Variants in KIAA1958 observed in about 807,000 individuals in gnomAD.
The protein encoded by KIAA1958 is KIAA1958, also known as uncharacterized protein KIAA1958.
In KIAA1958, 14 loss-of-function variants were observed where a neutral mutation model predicts 47.2. The observed-to-expected ratio is 0.30, with a 90% confidence interval of 0.20 to 0.46. KIAA1958 has a LOEUF of 0.46. Ranked by LOEUF, KIAA1958 falls within the 20% of genes least tolerant of loss-of-function variation. KIAA1958 has a pLI of 1.00. For missense variants in KIAA1958, 803 were observed against 909.2 expected (o/e 0.88, Z 1.50); for synonymous variants, 354 against 353.3 (o/e 1.00, Z -0.02).
chr9:112,520,404 T>C (rs941740398), intron 1 of KIAA1958, among the ~76,000 whole-genome samples: 5 of 152,244 alleles, frequency 3.3e-5, no homozygotes, highest in Non-Finnish European at 5.9e-5. Flanking sequence ...TGCTTGATGC[T>C]TTTACCATCA....
rs1453292855 is a variant in KIAA1958 at position 112,668,376 on chromosome 9, C to T, written c.*8307C>T. Reference sequence around the variant, plus strand: ...TTCAATTTCAACAGCAGAAAGATGGCCTGGGGCAGTGAGATGCTTTCCTTA... The same window carrying T: ...TTCAATTTCAACAGCAGAAAGATGGTCTGGGGCAGTGAGATGCTTTCCTTA... On this transcript the variant is annotated 3_prime_UTR_variant, in exon 4 of 4. Coordinates refer to ENST00000337530, the MANE Select transcript of KIAA1958 (RefSeq NM_133465.4). 1 of 152,200 alleles carries T rather than the reference C, an allele frequency of 6.6e-6. No homozygotes were observed. Among genetic ancestry groups the T allele is most frequent in the African/African-American group, 2.4e-5 (1 of 41,460 alleles). The allele number at this position is 152,200 out of a possible 1,614,324, so 9.4% of individuals were successfully genotyped here. A position where few individuals can be genotyped will look rare whatever the true frequency, so the allele number is the denominator to read the frequency against.
intron 2 of KIAA1958, among the ~76,000 whole-genome samples, chr9:112,624,235 T>C (rs532253638): frequency 2.0e-5 from 3 of 152,366 alleles, no homozygotes; most frequent in South Asian, 2.1e-4. Flanking sequence ...AATTCTATTA[T>C]ACAAGATATG....
At chr9:112,523,110 G>A (rs1304334870) in intron 1 of KIAA1958, among the ~76,000 whole-genome samples, 1 of 152,116 alleles carries the variant, frequency 6.6e-6, no homozygotes, top group Non-Finnish European at 1.5e-5. Context: ...CTCAGAAATG[G>A]ATTTCTTGTT....
intron 1 of KIAA1958, among the ~76,000 whole-genome samples, chr9:112,551,427 T>C (rs908237034): frequency 1.3e-5 from 2 of 152,244 alleles, no homozygotes; most frequent in Non-Finnish European, 2.9e-5. Context: ...GTTTCATCCA[T>C]GTTGTTAGCC....
intron 1 of KIAA1958, among the ~76,000 whole-genome samples, chr9:112,496,549 C>A (rs929359667): frequency 2.0e-5 from 3 of 152,298 alleles, no homozygotes; most frequent in Admixed American, 2.0e-4. Context: ...CTTATTGCTG[C>A]CTTTTTCCGA....
chr9:112,504,076 C>G (rs1489743324), intron 1 of KIAA1958, among the ~76,000 whole-genome samples: 1 of 152,012 alleles, frequency 6.6e-6, no homozygotes, highest in Non-Finnish European at 1.5e-5. Flanking sequence ...TGATTGTAAC[C>G]TGGCTTTATT....
At chr9:112,634,934 T>C (rs1028828918) in intron 2 of KIAA1958, among the ~76,000 whole-genome samples, 2 of 152,220 alleles carry the variant, frequency 1.3e-5, no homozygotes, top group African/African-American at 4.8e-5. Flanking sequence ...ATCAGTCACA[T>C]TTAAGTCATG....
chr9:112,492,078 A>G (rs1367009992), intron 1 of KIAA1958, among the ~76,000 whole-genome samples: 1 of 152,214 alleles, frequency 6.6e-6, no homozygotes, highest in Non-Finnish European at 1.5e-5. Context: ...AATATGTGTG[A>G]ATTCTTAACC....
chr9:112,557,213 G>A, intron 1 of KIAA1958, among the ~76,000 whole-genome samples: 1 of 152,092 alleles, frequency 6.6e-6, no homozygotes, highest in East Asian at 1.9e-4. Context: ...TCCCTGGTTG[G>A]CCTGCTAAAG....
At chr9:112,526,470 C>A (rs1834654308) in intron 1 of KIAA1958, among the ~76,000 whole-genome samples, 1 of 151,522 alleles carries the variant, frequency 6.6e-6, no homozygotes, top group East Asian at 2.0e-4. Flanking sequence ...GGTCTCAAAC[C>A]CCTGGCCTCA....
Position 112,665,877 on chromosome 9 carries a change from G to T in KIAA1958, c.*5808G>T, listed in dbSNP as rs1228872260. 6.6e-6 allele frequency: 1 copy of T among 152,112 alleles called. No individual in the cohort carries two copies. The highest frequency in any genetic ancestry group is 1.5e-5 in the Non-Finnish European group (1 of 68,028). The allele number at this position is 152,112 out of a possible 1,614,324, so 9.4% of individuals were successfully genotyped here. ...GACTCACTGCTTAAAAAGTAAAGGA[G>T]TTCCTAACTTACGCAACAATTACAT... On this transcript the variant is annotated 3_prime_UTR_variant, in exon 4 of 4. Transcript: ENST00000337530.
At chr9:112,625,068 G>A (rs1048550562) in intron 2 of KIAA1958, among the ~76,000 whole-genome samples, 1 of 152,174 alleles carries the variant, frequency 6.6e-6, no homozygotes, top group African/African-American at 2.4e-5. Context: ...CTGAGCTGCT[G>A]TTCCCTCTGG....
At chr9:112,603,838 C>G (rs912538457) in intron 2 of KIAA1958, among the ~76,000 whole-genome samples, 1 of 152,032 alleles carries the variant, frequency 6.6e-6, no homozygotes, top group Non-Finnish European at 1.5e-5. Context: ...TAAATCTGCT[C>G]GCCAGATTTC....
chr9:112,528,884 C>T (rs1186811377), intron 1 of KIAA1958, among the ~76,000 whole-genome samples: 1 of 152,122 alleles, frequency 6.6e-6, no homozygotes, highest in Non-Finnish European at 1.5e-5. Context: ...AAGATATAAT[C>T]AGTGTTTGTA....
intron 2 of KIAA1958, among the ~76,000 whole-genome samples, chr9:112,596,092 T>G (rs1836025038): frequency 6.6e-6 from 1 of 152,072 alleles, no homozygotes; most frequent in South Asian, 2.1e-4. Flanking sequence ...GCCGAAAACA[T>G]TTTTACATAT....
intron 1 of KIAA1958, among the ~76,000 whole-genome samples, chr9:112,567,773 A>G (rs1255368444): frequency 6.6e-6 from 1 of 152,004 alleles, no homozygotes; most frequent in Non-Finnish European, 1.5e-5. Flanking sequence ...CCTGGCTAAC[A>G]TGGTGAAACC....
At chr9:112,510,893 TG>T (rs1425326264) in intron 1 of KIAA1958, among the ~76,000 whole-genome samples, 1 of 152,016 alleles carries the variant, frequency 6.6e-6, no homozygotes, top group Non-Finnish European at 1.5e-5. Flanking sequence ...TGTAACTATA[TG>T]GGGAGAACAG....
At chr9:112,582,502 C>G (rs925166890) in intron 2 of KIAA1958, 2 of 153,864 alleles carry the variant, frequency 1.3e-5, no homozygotes, top group Admixed American at 6.5e-5. Flanking sequence ...CTCGATGATT[C>G]AGCAGCTCAG....
intron 2 of KIAA1958, among the ~76,000 whole-genome samples, chr9:112,622,666 A>G (rs1485180925): frequency 6.6e-6 from 1 of 152,188 alleles, no homozygotes; most frequent in Non-Finnish European, 1.5e-5. Flanking sequence ...ATGTTAAATC[A>G]CTGCCTGTTC....
Sources: gnomAD v4.1 joint callset for allele counts (sites outside exome capture counted in the v4.1 genomes callset) on GRCh38, gnomAD v4.1.1 for gene constraint, MANE v1.5 for transcripts, NCBI Gene and HGNC (gene_info 2026-07-23, HGNC 2026-07-21) for gene names.